Variants in CCDC85A observed in about 807,000 individuals in gnomAD.
The protein encoded by CCDC85A is coiled-coil domain-containing protein 85A.
In CCDC85A, 38 loss-of-function variants were observed where a neutral mutation model predicts 50.2. The ratio of observed to expected loss-of-function variants is 0.76; its 90% confidence interval spans 0.58 to 0.99. The LOEUF is 0.99. Among genes scored for constraint, CCDC85A ranks in the 50% least tolerant of loss-of-function variants. The pLI, the probability that CCDC85A is intolerant of heterozygous loss-of-function variation, is 0.00. For synonymous variants in CCDC85A, 366 were observed against 301.4 expected (o/e 1.21, Z -2.22); for missense variants, 820 against 742.0 (o/e 1.11, Z -1.22).
At chr2:56,379,722 A>C (rs1676496399) in intron 5 of CCDC85A, 10 of 843,540 alleles carry the variant, frequency 1.2e-5, no homozygotes, top group Non-Finnish European at 1.4e-5. Context: ...TCCATGTGAA[A>C]TTTGCTTTTC....
intron 3 of CCDC85A, among the ~76,000 whole-genome samples, chr2:56,343,713 G>A (rs926663946): frequency 2.6e-5 from 4 of 152,124 alleles, no homozygotes; most frequent in African/African-American, 9.7e-5. Context: ...ATAACAAGAA[G>A]TTTTCCAAGA....
At position 56,356,045 on chromosome 2, in the gene CCDC85A, T is replaced by C. The variant is rs539135713; in HGVS notation, c.1317+13090T>C. Among the ~76,000 whole-genome samples, 90 of 152,350 alleles carry C rather than the reference T, an allele frequency of 5.9e-4. 1 individual carries two copies. The highest frequency in any genetic ancestry group is 6.8e-3 in the Middle Eastern group (2 of 294). On this transcript the variant is annotated intron_variant, in intron 3 of 5. Transcript: ENST00000407595. ...TGTCAAAGGGGGATAATTTTTTTAA[T>C]TTAAGCATTTTCATATGTGATGAAA...
intron 2 of CCDC85A, among the ~76,000 whole-genome samples, chr2:56,269,826 C>G (rs1319666164): frequency 6.6e-6 from 1 of 152,168 alleles, no homozygotes; most frequent in African/African-American, 2.4e-5. Context: ...CATTTCCTCT[C>G]TTGCGTTATT....
intron 2 of CCDC85A, among the ~76,000 whole-genome samples, chr2:56,238,415 T>TAA (rs34764564): frequency 2.3e-4 from 29 of 124,624 alleles, no homozygotes; most frequent in Non-Finnish European, 3.5e-4. Context: ...ACATTCTGTC[T>TAA]AAAAAAAAAA....
chr2:56,329,409 C>G (rs191556140), intron 2 of CCDC85A, among the ~76,000 whole-genome samples: 1 of 152,070 alleles, frequency 6.6e-6, no homozygotes, highest in Middle Eastern at 3.2e-3. Flanking sequence ...CAATGGAGTA[C>G]CCCTAGCACA....
intron 2 of CCDC85A, among the ~76,000 whole-genome samples, chr2:56,321,003 C>T (rs1483797832): frequency 1.4e-4 from 21 of 152,190 alleles, no homozygotes; most frequent in Admixed American, 5.9e-4. Flanking sequence ...AATCAATAAA[C>T]GTAATCCATC....
intron 2 of CCDC85A, among the ~76,000 whole-genome samples, chr2:56,311,236 G>A (rs559018149): frequency 2.2e-4 from 34 of 152,170 alleles, no homozygotes; most frequent in African/African-American, 7.9e-4. Context: ...CAATTATTTG[G>A]AGCAGCCTTC....
chr2:56,279,027 C>T (rs1481919112), intron 2 of CCDC85A, among the ~76,000 whole-genome samples: 2 of 152,152 alleles, frequency 1.3e-5, no homozygotes, highest in East Asian at 1.9e-4. Flanking sequence ...TTGAGGTGGC[C>T]CAAGGCCAGC....
chr2:56,247,696 C>T (rs10201302), intron 2 of CCDC85A, among the ~76,000 whole-genome samples: 4,753 of 152,222 alleles, frequency 0.031, 239 homozygotes, highest in African/African-American at 0.11. Flanking sequence ...CATGAAAAAA[C>T]ATAAACCTGT....
intron 2 of CCDC85A, among the ~76,000 whole-genome samples, chr2:56,342,110 A>G (rs1674402016): frequency 6.6e-6 from 1 of 152,030 alleles, no homozygotes; most frequent in Non-Finnish European, 1.5e-5. Flanking sequence ...AGAAAAGAGT[A>G]TAATTGTCTT....
intron 2 of CCDC85A, among the ~76,000 whole-genome samples, chr2:56,247,424 A>G (rs1201598413): frequency 6.6e-6 from 1 of 152,200 alleles, no homozygotes; most frequent in Admixed American, 6.5e-5. Context: ...TTTCCCCTGT[A>G]TACATCATGC....
intron 2 of CCDC85A, among the ~76,000 whole-genome samples, chr2:56,286,495 C>T (rs1015225465): frequency 6.6e-6 from 1 of 152,126 alleles, no homozygotes; most frequent in Non-Finnish European, 1.5e-5. Flanking sequence ...ATGCTGTAGT[C>T]TTCAATCTGC....
intron 2 of CCDC85A, among the ~76,000 whole-genome samples, chr2:56,293,998 A>G (rs1464533474): frequency 6.6e-6 from 1 of 152,202 alleles, no homozygotes; most frequent in African/African-American, 2.4e-5. Flanking sequence ...ATAAAGATAC[A>G]TATACACTTA....
At chr2:56,273,717 G>A (rs1405137617) in intron 2 of CCDC85A, among the ~76,000 whole-genome samples, 1 of 150,974 alleles carries the variant, frequency 6.6e-6, no homozygotes, top group East Asian at 1.9e-4. Context: ...TATCACACTA[G>A]AGAAAGGAAA....
At chr2:56,372,730 G>T (rs1487258192) in intron 4 of CCDC85A, among the ~76,000 whole-genome samples, 4 of 152,142 alleles carry the variant, frequency 2.6e-5, no homozygotes, top group Non-Finnish European at 4.4e-5. Flanking sequence ...AAAGTACCCT[G>T]GACATTTCAT....
chr2:56,320,592 A>G (rs1009498770), intron 2 of CCDC85A, among the ~76,000 whole-genome samples: 3 of 152,196 alleles, frequency 2.0e-5, no homozygotes, highest in African/African-American at 7.2e-5. Flanking sequence ...TAAACCAGGA[A>G]GAAGTTGAAT....
intron 2 of CCDC85A, among the ~76,000 whole-genome samples, chr2:56,213,742 A>C (rs1054763792): frequency 1.3e-5 from 2 of 152,038 alleles, no homozygotes; most frequent in African/African-American, 2.4e-5. Flanking sequence ...ATTTATTTCA[A>C]GTATAAAAAT....
intron 2 of CCDC85A, chr2:56,235,425 T>C (rs1294415145): frequency 6.6e-6 from 1 of 151,984 alleles, no homozygotes; most frequent in Non-Finnish European, 1.5e-5. Context: ...AATTGAATAC[T>C]GTAGGAGGCT....
At chr2:56,375,297 A>T (rs1339226636) in intron 4 of CCDC85A, among the ~76,000 whole-genome samples, 1 of 152,228 alleles carries the variant, frequency 6.6e-6, no homozygotes, top group Non-Finnish European at 1.5e-5. Context: ...GAAAAGATCA[A>T]TTTTCAGTTT....
Sources: allele counts gnomAD v4.1 joint callset (sites outside exome capture counted in the v4.1 genomes callset), GRCh38; gene constraint gnomAD v4.1.1; transcripts MANE v1.5; gene names NCBI Gene and HGNC (gene_info 2026-07-23, HGNC 2026-07-21).